Variants in DNAJC18 observed in about 807,000 individuals in gnomAD.
DNAJC18 encodes the protein DnaJ heat shock protein family (Hsp40) member C18.
A neutral mutation model predicts 48.6 loss-of-function variants in DNAJC18; 40 were observed. The ratio of observed to expected loss-of-function variants is 0.82; its 90% confidence interval spans 0.64 to 1.07. The LOEUF (loss-of-function observed/expected upper bound fraction) is 1.07, where lower values mean the gene tolerates loss of function less well. DNAJC18 is among the 50% of genes least tolerant of loss of function. DNAJC18 has a pLI of 0.00. For missense variants in DNAJC18, 340 were observed against 427.7 expected, an observed-to-expected ratio of 0.79 and a Z score of 1.81; for synonymous variants, 135 against 152.2, an observed-to-expected ratio of 0.89 and a Z score of 0.83.
At chr5:139,434,852 TTC>T (rs1340537401) in intron 2 of DNAJC18, among the ~76,000 whole-genome samples, 2 of 152,150 alleles carry the variant, frequency 1.3e-5, no homozygotes, top group African/African-American at 4.8e-5. Context: ...TGGCTTTTAT[TTC>T]TTTTTCTTGC....
At chr5:139,435,416 A>G (rs1021070206) in intron 2 of DNAJC18, among the ~76,000 whole-genome samples, 2 of 151,900 alleles carry the variant, frequency 1.3e-5, no homozygotes, top group African/African-American at 2.4e-5. Context: ...TGATCGTGTG[A>G]TTTTTGTCCT....
chr5:139,418,807 T>C (rs1759107034), intron 7 of DNAJC18: 3 of 456,192 alleles, frequency 6.6e-6, no homozygotes, highest in Non-Finnish European at 1.3e-5. Flanking sequence ...TGAGCACTTG[T>C]TCTGAAGCAA....
chr5:139,418,693 C>A, intron 7 of DNAJC18: 1 of 455,338 alleles, frequency 2.2e-6, no homozygotes, highest in South Asian at 1.6e-5. Context: ...GAGACCAGGT[C>A]CCTAAGGGTG....
rs542588818 is a variant in DNAJC18 at position 139,438,080 on chromosome 5, G to A, written c.41-522C>T. On this transcript the variant is annotated intron_variant, in intron 1 of 7. Transcript: ENST00000302060. ...GCCTGTAATCCCAGCACTTTGGGAG[G>A]CCAAGGCGGGCGGATCACGAGGTCA... 7.2e-5 allele frequency among the ~76,000 whole-genome samples: 11 copies of A among 152,314 alleles called. No homozygotes were observed. In the South Asian group the frequency reaches 2.1e-3, roughly 29 times the overall value.
intron 7 of DNAJC18, among the ~76,000 whole-genome samples, chr5:139,415,165 A>G (rs1353734068): frequency 2.0e-5 from 3 of 152,072 alleles, no homozygotes; most frequent in South Asian, 2.1e-4. Context: ...TAAAAATGCT[A>G]TTTTAATTGT....
chr5:139,426,475 C>T, intron 3 of DNAJC18, 118 bp from the exon 4 acceptor site: 1 of 1,247,364 alleles, frequency 8.0e-7, no homozygotes, highest in Admixed American at 2.5e-5. Context: ...CGCAGGGGCC[C>T]AAGAAGAGAT....
intron 7 of DNAJC18, among the ~76,000 whole-genome samples, chr5:139,416,101 C>T (rs1301582898): frequency 6.6e-6 from 1 of 152,228 alleles, no homozygotes; most frequent in Admixed American, 6.5e-5. Context: ...CACATCCCCA[C>T]TACCAAGCTT....
Position 139,411,609 on chromosome 5 carries a change from C to T in DNAJC18, c.*2539G>A, listed in dbSNP as rs892670185. The T allele has an allele frequency of 1.3e-5, 2 of 152,190 alleles. No individual in the cohort carries two copies. The highest frequency in any genetic ancestry group is 4.8e-5 in the African/African-American group (2 of 41,434). The allele number at this position is 152,190 out of a possible 1,614,324, so 9.4% of individuals were successfully genotyped here. ...AGTATCAAATAGATAAATCCTTCAA[C>T]CAAAAGCAAATACGGTTCCCTTGAG... On this transcript the variant is annotated 3_prime_UTR_variant, in exon 8 of 8. Coordinates refer to ENST00000302060, the MANE Select transcript of DNAJC18 (RefSeq NM_152686.4).
In DNAJC18 at chr5:139,413,232, A is replaced by G. The variant is rs550924814; in HGVS notation, c.*916T>C. 1.9e-3 allele frequency: 368 copies of G among 198,024 alleles called. 2 individuals are homozygous for G. Among genetic ancestry groups the G allele is most frequent in the African/African-American group, 8.0e-3 (349 of 43,430 alleles). 12.3% of individuals were successfully genotyped at this position (198,024 alleles called of 1,614,324 possible). On this transcript the variant is annotated 3_prime_UTR_variant, in exon 8 of 8. Transcript: ENST00000302060. ...GGGCCAAAGCTAGACCCCCATATCC[A>G]AGGAGAGAGGATCTGTCTCCTCTAT...
chr5:139,421,125 CAG>C lies in DNAJC18; in HGVS notation c.780-902_780-901del, dbSNP rs139798631. On this transcript the variant is annotated intron_variant, in intron 6 of 7. Transcript: ENST00000302060. The stretch of plus-strand genomic sequence containing the variant: ...TGGAAAAACATGAGAAGCTGGGAAA[CAG>C]AGGGAATCAGGCCAGTGTGGCCTGA... Among the ~76,000 whole-genome samples, 197 of 152,248 alleles carry C rather than the reference CAG, an allele frequency of 1.3e-3. 4 individuals carry two copies. In the East Asian group the frequency reaches 0.033, roughly 26 times the overall value.
At chr5:139,426,423 G>C in intron 3 of DNAJC18, 66 bp from the exon 4 acceptor site, 1 of 1,565,350 alleles carries the variant, frequency 6.4e-7, no homozygotes, top group Non-Finnish European at 8.7e-7. Context: ...GATCACAGCA[G>C]CAGTGACAAA....
intron 1 of DNAJC18, among the ~76,000 whole-genome samples, chr5:139,438,960 A>G (rs538465494): frequency 3.9e-5 from 6 of 152,174 alleles, no homozygotes; most frequent in Non-Finnish European, 8.8e-5. Context: ...TATTGGATCA[A>G]TATTTTTTGC....
chr5:139,414,408 T>A, intron 7 of DNAJC18, 136 bp from the exon 8 acceptor site: 1 of 1,311,086 alleles, frequency 7.6e-7, no homozygotes, highest in Non-Finnish European at 1.0e-6. Flanking sequence ...ATTTAGTCAT[T>A]TATTCACAAA....
intron 4 of DNAJC18, among the ~76,000 whole-genome samples, chr5:139,425,830 T>A (rs891863947): frequency 7.9e-5 from 12 of 152,240 alleles, no homozygotes; most frequent in African/African-American, 2.9e-4. Flanking sequence ...TTTCCTATCT[T>A]CTATCTTTGT....
At chr5:139,426,021 G>A (rs1672773193) in intron 4 of DNAJC18, 151 bp downstream of exon 4, 1 of 839,028 alleles carries the variant, frequency 1.2e-6, no homozygotes, top group African/African-American at 1.7e-5. Context: ...GCTGGGGGCT[G>A]GAGACTTGCC....
At position 139,428,625 on chromosome 5, in the gene DNAJC18, C is replaced by T. The variant is rs374466270; in HGVS notation, c.286G>A (p.Glu96Lys). ...TTTCTGTAAGCTTTCTTAAGCTCTT[C>T]GTCACTAGCATCTCGAGAAACTCCC... is the stretch of plus-strand genomic sequence containing the variant. ...ILGVSRDASD[E>K]ELKKAYRKLA... The change falls in exon 3 of 8, where the codon GAA becomes AAA. Residue 96 changes from glutamate to lysine, a missense_variant. Glu to Lys is a moderately conservative substitution (Grantham distance 56). Transcript: ENST00000302060. 1.3e-5 allele frequency: 21 copies of T among 1,613,654 alleles called. No homozygotes were observed. The highest frequency in any genetic ancestry group is 9.4e-5 in the African/African-American group (7 of 74,844).
At chr5:139,434,485 G>C (rs536774362) in intron 2 of DNAJC18, among the ~76,000 whole-genome samples, 1 of 152,026 alleles carries the variant, frequency 6.6e-6, no homozygotes, top group Non-Finnish European at 1.5e-5. Flanking sequence ...CACCACACCT[G>C]GCTAAATTTT....
Position 139,426,251 on chromosome 5 carries a change from A to T in DNAJC18, c.480T>A (p.Tyr160Ter). 6.2e-7 allele frequency: 1 copy of T among 1,614,264 alleles called. No homozygotes were observed. The highest frequency in any genetic ancestry group is 8.5e-7 in the Non-Finnish European group (1 of 1,180,042). ...VTFTAPRARP[Y>*]NYYRDFEADI... ...CAGCTTCAAAATCCCTGTAATAATT[A>T]TAAGGTCTGGCTCGAGGGGCAGTGA... Residue 160 changes from tyrosine to a stop codon, truncating the protein, a stop_gained, in exon 4 of 8, where the codon TAT becomes TAA. Transcript: ENST00000302060. LOFTEE classifies it high-confidence loss of function.
At chr5:139,427,366 GA>G (rs1440162731) in intron 3 of DNAJC18, among the ~76,000 whole-genome samples, 1 of 151,844 alleles carries the variant, frequency 6.6e-6, no homozygotes, top group Non-Finnish European at 1.5e-5. Context: ...CCAATCAATA[GA>G]AACCTCAAAA....
Sources: allele counts gnomAD v4.1 joint callset (sites outside exome capture counted in the v4.1 genomes callset), GRCh38; gene constraint gnomAD v4.1.1; transcripts MANE v1.5; gene names NCBI Gene and HGNC (gene_info 2026-07-23, HGNC 2026-07-21).